Variants in CD2AP observed in about 807,000 individuals in gnomAD.
The protein encoded by CD2AP is CD2 associated protein.
CD2AP carries 46 observed loss-of-function variants against 85.1 expected under a neutral mutation model. That is an observed-to-expected ratio of 0.54 (90% CI 0.43 to 0.69). CD2AP has a LOEUF of 0.69. Among genes scored for constraint, CD2AP ranks in the 30% least tolerant of loss-of-function variants. The probability of loss-of-function intolerance (pLI) is 0.00; values close to 1 mark genes in which losing one functional copy is unlikely to be tolerated. For synonymous variants in CD2AP, 255 were observed against 252.9 expected (o/e 1.01, Z -0.08); for missense variants, 769 against 729.5 (o/e 1.05, Z -0.62).
intron 17 of CD2AP, among the ~76,000 whole-genome samples, chr6:47,614,928 C>T (rs577949273): frequency 1.3e-5 from 2 of 152,138 alleles, no homozygotes; most frequent in African/African-American, 2.4e-5. Context: ...TTGGCAATTT[C>T]GACTATTTCC....
intron 8 of CD2AP, among the ~76,000 whole-genome samples, chr6:47,579,042 C>T (rs996316457): frequency 2.0e-5 from 3 of 152,086 alleles, no homozygotes; most frequent in African/African-American, 4.8e-5. Context: ...TAAAACTAAA[C>T]GCAATTTTGT....
intron 14 of CD2AP, among the ~76,000 whole-genome samples, chr6:47,606,645 T>G (rs1458521050): frequency 6.6e-6 from 1 of 152,048 alleles, no homozygotes; most frequent in Non-Finnish European, 1.5e-5. Flanking sequence ...ATTCAGTGTT[T>G]TTTTTCTTTT....
rs200798500 is a variant in CD2AP, at chr6:47,595,959, A to G, written c.1207A>G (p.Arg403Gly). The G allele has an allele frequency of 8.8e-5, 142 of 1,612,262 alleles. No homozygotes were observed. The highest frequency in any genetic ancestry group is 1.2e-4 in the Non-Finnish European group (138 of 1,178,514). ...ACCTACCAAAGCCAGTAATTTACTG[A>G]GATCTTCTGGAACAGTGTACCCAAA... is the stretch of plus-strand genomic sequence containing the variant. ...TPPTKASNLL[R>G]SSGTVYPKRP... The change falls in exon 12 of 18, where the codon AGA (arginine) becomes GGA (glycine). Residue 403 changes from arginine to glycine, a missense_variant. Coordinates refer to ENST00000359314, the MANE Select transcript of CD2AP (RefSeq NM_012120.3).
intron 17 of CD2AP, among the ~76,000 whole-genome samples, chr6:47,621,098 G>C (rs533343224): frequency 8.5e-5 from 13 of 152,176 alleles, no homozygotes; most frequent in Non-Finnish European, 1.8e-4. Flanking sequence ...GGAGTGGTGA[G>C]AGCAGACATC....
At chr6:47,482,533 C>T (rs1442703393) in intron 1 of CD2AP, among the ~76,000 whole-genome samples, 2 of 151,970 alleles carry the variant, frequency 1.3e-5, no homozygotes, top group African/African-American at 4.8e-5. Flanking sequence ...CACGTGCCAC[C>T]ATGCCTGGCT....
At chr6:47,592,834 C>T (rs1251989850) in intron 11 of CD2AP, among the ~76,000 whole-genome samples, 1 of 152,134 alleles carries the variant, frequency 6.6e-6, no homozygotes, top group Middle Eastern at 3.2e-3. Context: ...TTCCATTTGG[C>T]TGTTCTGAGC....
chr6:47,511,073 CAAAAAAAAAAAAAA>C (rs70999630), intron 2 of CD2AP, among the ~76,000 whole-genome samples: 2 of 51,880 alleles, frequency 3.9e-5, no homozygotes, highest in East Asian at 9.4e-4. Flanking sequence ...CTCTGTGTCT[CAAAAAAAAAAAAAA>C]AAAAAAAAAA....
At chr6:47,611,450 C>A (rs915814787) in intron 16 of CD2AP, among the ~76,000 whole-genome samples, 1 of 151,356 alleles carries the variant, frequency 6.6e-6, no homozygotes, top group Admixed American at 6.6e-5. Flanking sequence ...TATTTTATTT[C>A]TTTACTTGGA....
At position 47,607,949 on chromosome 6, in the gene CD2AP, T is replaced by A. The variant is rs777493828; in HGVS notation, c.1553T>A (p.Ile518Asn). 2 of 1,612,432 alleles carry A rather than the reference T, an allele frequency of 1.2e-6. No homozygotes were observed. Among genetic ancestry groups the A allele is most frequent in the Non-Finnish European group, 1.7e-6 (2 of 1,179,000 alleles). ...GHSPTHSPEK[I>N]LKLPKEEDSA... is the part of the protein sequence containing the mutation. ...TAGCCAACTCACAGCCCCGAAAAAATCTTGAAGTTACCAAAAGAAGAAGAC... is the reference window on the plus strand; with the variant it reads ...TAGCCAACTCACAGCCCCGAAAAAAACTTGAAGTTACCAAAAGAAGAAGAC... The change falls in exon 15 of 18, where the codon ATC becomes AAC. Residue 518 changes from isoleucine (I) to asparagine (N), a missense_variant. Ile to Asn is a moderately radical substitution (Grantham distance 149). Transcript: ENST00000359314.
intron 4 of CD2AP, 138 bp from the exon 5 acceptor site, chr6:47,554,508 T>C: frequency 1.3e-6 from 1 of 747,044 alleles, no homozygotes; most frequent in Non-Finnish European, 2.2e-6. Context: ...ATTTTCTTCA[T>C]TGTGTTTTAA....
intron 11 of CD2AP, among the ~76,000 whole-genome samples, chr6:47,585,504 C>T (rs979894607): frequency 6.6e-6 from 1 of 152,130 alleles, no homozygotes; most frequent in African/African-American, 2.4e-5. Context: ...CCTATAATTA[C>T]CACAGCTTAT....
chr6:47,625,649 A>G lies in CD2AP; in HGVS notation c.*1422A>G, dbSNP rs185354826. On this transcript the variant is annotated 3_prime_UTR_variant, in exon 18 of 18. Transcript: ENST00000359314. ...TTTGAGTACCAATGATCATGCTTCC[A>G]TTTTTTTTAGTTTTAAACCACCAAA... 4.1e-3 allele frequency: 621 copies of G among 151,598 alleles called. 2 individuals carry two copies. Among genetic ancestry groups the G allele is most frequent in the African/African-American group, 0.014 (567 of 41,458 alleles). 9.4% of individuals were successfully genotyped at this position (151,598 alleles called of 1,614,324 possible). A position where few individuals can be genotyped will look rare whatever the true frequency, so the allele number is the denominator to read the frequency against.
chr6:47,599,783 G>A (rs1303687938), intron 13 of CD2AP, among the ~76,000 whole-genome samples: 1 of 151,974 alleles, frequency 6.6e-6, no homozygotes, highest in Non-Finnish European at 1.5e-5. Flanking sequence ...GTTTAAAAAT[G>A]AGATGACATA....
At position 47,624,653 on chromosome 6, in the gene CD2AP, T is replaced by C. The variant is rs1769855324; in HGVS notation, c.*426T>C. Reference sequence around the variant, plus strand: ...TTTAGTAACTATAGTCACTACTTTTTCCATAATGCATAAGGGATATAAACT... The same window carrying C: ...TTTAGTAACTATAGTCACTACTTTTCCCATAATGCATAAGGGATATAAACT... On this transcript the variant is annotated 3_prime_UTR_variant, in exon 18 of 18. Transcript: ENST00000359314. The C allele has an allele frequency of 5.5e-6, 1 of 181,008 alleles. No individual in the cohort carries two copies. Among genetic ancestry groups the C allele is most frequent in the South Asian group, 1.2e-4 (1 of 8,380 alleles). 11.2% of individuals were successfully genotyped at this position (181,008 alleles called of 1,614,324 possible).
In CD2AP at chr6:47,574,109, A is replaced by T; in HGVS notation, c.587A>T (p.Asn196Ile). Residue 196 changes from asparagine (N) to isoleucine (I), a missense_variant, in exon 6 of 18, where the codon AAT (asparagine) becomes ATT (isoleucine). By Grantham distance (149) the Asn-to-Ile change is moderately radical. Transcript: ENST00000359314. ...ACTTCACCTATACCTTCTCTGGGAA[A>T]TGTGAGTGAAACTGCATCTGGATCA... is the stretch of plus-strand genomic sequence containing the variant. ...GPTSPIPSLG[N>I]VSETASGSVT... 2 of 1,614,104 alleles carry T rather than the reference A, an allele frequency of 1.2e-6. No homozygotes were observed. The highest frequency in any genetic ancestry group is 1.7e-6 in the Non-Finnish European group (2 of 1,179,970).
chr6:47,590,659 G>A (rs1275134956), intron 11 of CD2AP, among the ~76,000 whole-genome samples: 3 of 152,104 alleles, frequency 2.0e-5, no homozygotes, highest in East Asian at 1.9e-4. Flanking sequence ...TTTGGTATAC[G>A]TGAGGATCTT....
At chr6:47,534,687 A>G (rs113833540) in intron 3 of CD2AP, among the ~76,000 whole-genome samples, 295 of 152,294 alleles carry the variant, frequency 1.9e-3, no homozygotes, top group African/African-American at 6.9e-3. Flanking sequence ...AAACAAAAGA[A>G]ACTGTTATTT....
chr6:47,547,966 C>A (rs1169778983), intron 4 of CD2AP, among the ~76,000 whole-genome samples: 1 of 152,048 alleles, frequency 6.6e-6, no homozygotes, highest in East Asian at 1.9e-4. Flanking sequence ...TTAAAAAATT[C>A]TTCTTACTGA....
chr6:47,623,886 G>C (rs973872518), intron 17 of CD2AP, among the ~76,000 whole-genome samples: 3 of 152,028 alleles, frequency 2.0e-5, no homozygotes, highest in Admixed American at 2.0e-4. Flanking sequence ...GGATTCTTTT[G>C]TTCTTTGTAG....
Sources: gnomAD v4.1 joint callset for allele counts (sites outside exome capture counted in the v4.1 genomes callset) on GRCh38, gnomAD v4.1.1 for gene constraint, MANE v1.5 for transcripts, NCBI Gene and HGNC (gene_info 2026-07-23, HGNC 2026-07-21) for gene names.